TRPS1: variants seen among roughly 807,000 people sequenced by gnomAD.
TRPS1 encodes the protein zinc finger transcription factor Trps1.
A neutral mutation model predicts 101.2 loss-of-function variants in TRPS1; 6 were observed. The ratio of observed to expected loss-of-function variants is 0.06; its 90% confidence interval spans 0.03 to 0.12. The LOEUF is 0.12. Ranked by LOEUF, TRPS1 falls within the 10% of genes least tolerant of loss-of-function variation. TRPS1 has a pLI of 1.00. For missense variants in TRPS1, 1,363 were observed against 1,567.0 expected, an observed-to-expected ratio of 0.87 and a Z score of 2.20; for synonymous variants, 578 against 589.8, an observed-to-expected ratio of 0.98 and a Z score of 0.29.
intron 1 of TRPS1, among the ~76,000 whole-genome samples, chr8:115,645,375 T>C (rs1182907128): frequency 6.6e-6 from 1 of 152,184 alleles, no homozygotes; most frequent in African/African-American, 2.4e-5. Flanking sequence ...GTGATCTCAG[T>C]AATAACAAAC....
At position 115,435,998 on chromosome 8, in the gene TRPS1, TCACACACACACA is replaced by T. The variant is rs4027183; in HGVS notation, c.2701-17558_2701-17547del. ...TCTAAATGCTACAACAAATGAGAAA[TCACACACACACA>T]CACACACACACACACACACACACAC... On this transcript the variant is annotated intron_variant, in intron 5 of 6. Transcript: ENST00000395715. Among the ~76,000 whole-genome samples the T allele has an allele frequency of 1.1e-3, 141 of 134,074 alleles. 1 individual carries two copies. Among genetic ancestry groups the T allele is most frequent in the South Asian group, 5.5e-3 (22 of 3,986 alleles). 88.0% of individuals were successfully genotyped at this position (134,074 alleles called of 152,430 possible).
chr8:115,480,899 A>T (rs115244159), intron 5 of TRPS1, among the ~76,000 whole-genome samples: 13 of 152,256 alleles, frequency 8.5e-5, no homozygotes, highest in African/African-American at 3.1e-4. Flanking sequence ...CATGTCAGCC[A>T]TTAAAATAAG....
chr8:115,460,853 G>A (rs761880095), intron 5 of TRPS1, among the ~76,000 whole-genome samples: 6 of 151,836 alleles, frequency 4.0e-5, no homozygotes, highest in Admixed American at 1.3e-4. Flanking sequence ...CTAATCTTTG[G>A]GCATACTCAT....
At chr8:115,441,091 T>G (rs1338534034) in intron 5 of TRPS1, among the ~76,000 whole-genome samples, 1 of 152,216 alleles carries the variant, frequency 6.6e-6, no homozygotes, top group Non-Finnish European at 1.5e-5. Context: ...AAGTGGTTTA[T>G]TCAAGATTTG....
intron 5 of TRPS1, chr8:115,492,272 G>A (rs930431319): frequency 4.4e-6 from 2 of 456,046 alleles, no homozygotes; most frequent in Admixed American, 2.4e-5. Context: ...TTCAGGAAAT[G>A]TGTTTGGCGT....
At chr8:115,629,194 T>C (rs998757265) in intron 1 of TRPS1, among the ~76,000 whole-genome samples, 10 of 151,822 alleles carry the variant, frequency 6.6e-5, no homozygotes, top group African/African-American at 2.2e-4. Context: ...CTTCACTAAC[T>C]TGGCAAAAAG....
chr8:115,546,030 T>C (rs142888212), intron 5 of TRPS1, among the ~76,000 whole-genome samples: 143 of 152,194 alleles, frequency 9.4e-4, no homozygotes, highest in African/African-American at 3.3e-3. Context: ...TTATCATCCC[T>C]CACCTAAAGA....
intron 5 of TRPS1, among the ~76,000 whole-genome samples, chr8:115,573,437 C>T (rs1817249940): frequency 2.6e-5 from 4 of 151,988 alleles, no homozygotes; most frequent in Non-Finnish European, 2.9e-5. Flanking sequence ...TTTTTGTCAC[C>T]CGCACATATA....
At chr8:115,658,292 T>C (rs1424627853) in intron 1 of TRPS1, among the ~76,000 whole-genome samples, 1 of 152,086 alleles carries the variant, frequency 6.6e-6, no homozygotes, top group Admixed American at 6.6e-5. Context: ...AGCTAGAGAA[T>C]GCCTTGAGTC....
intron 5 of TRPS1, among the ~76,000 whole-genome samples, chr8:115,575,450 G>T (rs577850054): frequency 6.6e-6 from 1 of 152,214 alleles, no homozygotes; most frequent in Non-Finnish European, 1.5e-5. Context: ...TCTGTGTCCA[G>T]AAGTAAATAC....
intron 5 of TRPS1, among the ~76,000 whole-genome samples, chr8:115,541,404 A>G (rs1816450336): frequency 6.6e-6 from 1 of 152,204 alleles, no homozygotes; most frequent in Admixed American, 6.5e-5. Context: ...AACTATAGCT[A>G]TTCTTTATTC....
chr8:115,503,092 C>T (rs188567284), intron 5 of TRPS1, among the ~76,000 whole-genome samples: 13 of 151,888 alleles, frequency 8.6e-5, no homozygotes, highest in Non-Finnish European at 1.8e-4. Flanking sequence ...TGAAACCCCA[C>T]TTCTACAAAA....
chr8:115,627,860 C>T (rs1042077292), intron 1 of TRPS1, among the ~76,000 whole-genome samples: 1 of 151,700 alleles, frequency 6.6e-6, no homozygotes, highest in African/African-American at 2.4e-5. Flanking sequence ...AACTGACACA[C>T]ATATACAGTA....
At chr8:115,504,906 A>G (rs1285784213) in intron 5 of TRPS1, among the ~76,000 whole-genome samples, 1 of 152,154 alleles carries the variant, frequency 6.6e-6, no homozygotes, top group Non-Finnish European at 1.5e-5. Flanking sequence ...CCATCACAGG[A>G]TAACATTTTA....
chr8:115,550,673 G>A (rs2130337815), intron 5 of TRPS1, among the ~76,000 whole-genome samples: 1 of 152,268 alleles, frequency 6.6e-6, no homozygotes, highest in East Asian at 1.9e-4. Context: ...AGAACATCCT[G>A]TAAGAAATTC....
chr8:115,572,880 C>G (rs1237120232), intron 5 of TRPS1, among the ~76,000 whole-genome samples: 1 of 152,144 alleles, frequency 6.6e-6, no homozygotes, highest in Non-Finnish European at 1.5e-5. Flanking sequence ...CGCCTGTAAT[C>G]CCAGCACTTT....
chr8:115,610,139 A>G (rs1158858646), intron 3 of TRPS1, among the ~76,000 whole-genome samples: 1 of 152,212 alleles, frequency 6.6e-6, no homozygotes, highest in Non-Finnish European at 1.5e-5. Context: ...ATTTTCAAGT[A>G]CTATAATTGA....
intron 1 of TRPS1, among the ~76,000 whole-genome samples, chr8:115,625,669 A>G (rs1270826166): frequency 1.3e-5 from 2 of 151,934 alleles, no homozygotes; most frequent in Admixed American, 1.3e-4. Flanking sequence ...GAAAATGACT[A>G]TAAGGAACTC....
intron 5 of TRPS1, among the ~76,000 whole-genome samples, chr8:115,534,001 G>T (rs963581999): frequency 6.6e-6 from 1 of 152,174 alleles, no homozygotes; most frequent in Non-Finnish European, 1.5e-5. Flanking sequence ...GGAGATTGAA[G>T]CTCTAACCCC....
Sources: gnomAD v4.1 joint callset for allele counts (sites outside exome capture counted in the v4.1 genomes callset) on GRCh38, gnomAD v4.1.1 for gene constraint, MANE v1.5 for transcripts, NCBI Gene and HGNC (gene_info 2026-07-23, HGNC 2026-07-21) for gene names.